The following UVRAG variants were observed in gnomAD, a reference collection of about 807,000 sequenced individuals.
UVRAG encodes the protein UV radiation resistance associated.
In UVRAG, 19 loss-of-function variants were observed where a neutral mutation model predicts 78.0. The ratio of observed to expected loss-of-function variants is 0.24; its 90% confidence interval spans 0.17 to 0.36. The LOEUF (loss-of-function observed/expected upper bound fraction) is 0.36, where lower values mean the gene tolerates loss of function less well. Among genes scored for constraint, UVRAG ranks in the 10% least tolerant of loss-of-function variants. The pLI, the probability that UVRAG is intolerant of heterozygous loss-of-function variation, is 1.00. For synonymous variants in UVRAG, 323 were observed against 324.6 expected (o/e 1.00, Z 0.05); for missense variants, 740 against 853.8 (o/e 0.87, Z 1.66).
At chr11:76,077,813 CT>C (rs1951430559) in intron 13 of UVRAG, among the ~76,000 whole-genome samples, 1 of 152,146 alleles carries the variant, frequency 6.6e-6, no homozygotes. Flanking sequence ...ACAGGCTTCC[CT>C]TTTTTTCTGT....
intron 14 of UVRAG, among the ~76,000 whole-genome samples, chr11:76,123,606 TA>T (rs1297912540): frequency 6.6e-6 from 1 of 152,230 alleles, no homozygotes; most frequent in Non-Finnish European, 1.5e-5. Context: ...ATTCTAAGTT[TA>T]ATTTTTCCTG....
intron 6 of UVRAG, among the ~76,000 whole-genome samples, chr11:75,959,705 G>A (rs1387338171): frequency 2.0e-5 from 3 of 152,140 alleles, no homozygotes; most frequent in Admixed American, 6.5e-5. Flanking sequence ...TCACAACTTG[G>A]CTGACTGTTT....
intron 6 of UVRAG, among the ~76,000 whole-genome samples, chr11:75,921,383 G>A (rs1251089178): frequency 6.6e-6 from 1 of 152,106 alleles, no homozygotes; most frequent in Non-Finnish European, 1.5e-5. Context: ...ATTCTTCTGT[G>A]AATTTGCCTA....
chr11:75,923,039 T>C (rs1248583920), intron 6 of UVRAG, among the ~76,000 whole-genome samples: 1 of 148,522 alleles, frequency 6.7e-6, no homozygotes, highest in Non-Finnish European at 1.5e-5. Flanking sequence ...TTTTTCTTTT[T>C]CTTTTTCTTT....
At chr11:75,974,351 C>CTTTTT (rs1188190094) in intron 7 of UVRAG, among the ~76,000 whole-genome samples, 7 of 83,708 alleles carry the variant, frequency 8.4e-5, no homozygotes, top group African/African-American at 2.0e-4. Flanking sequence ...TAAATGTCTT[C>CTTTTT]TTTTTTTTTT....
chr11:75,947,133 T>G (rs2135153696), intron 6 of UVRAG, among the ~76,000 whole-genome samples: 1 of 152,226 alleles, frequency 6.6e-6, no homozygotes, highest in South Asian at 2.1e-4. Flanking sequence ...AAGTCTTGTT[T>G]CCAAATATAG....
intron 14 of UVRAG, among the ~76,000 whole-genome samples, chr11:76,126,864 C>T (rs980871609): frequency 3.3e-5 from 5 of 152,182 alleles, no homozygotes; most frequent in Non-Finnish European, 7.3e-5. Flanking sequence ...TTGGACTGCA[C>T]ACAAATACCG....
In UVRAG at chr11:75,925,682, CAG is replaced by C. The variant is rs529386139; in HGVS notation, c.593+13644_593+13645del. 1.5e-3 allele frequency among the ~76,000 whole-genome samples: 224 copies of C among 152,270 alleles called. 1 individual carries two copies. Among genetic ancestry groups the C allele is most frequent in the African/African-American group, 4.3e-3 (177 of 41,554 alleles). On this transcript the variant is annotated intron_variant, in intron 6 of 14. Coordinates refer to ENST00000356136, the MANE Select transcript of UVRAG (RefSeq NM_003369.4). Reference sequence around the variant, plus strand: ...GTTCCTTTTCTACAAAGGGCCTACACAGGGGGTGGAGAAGGAAAATAAGATTT... The same window carrying C: ...GTTCCTTTTCTACAAAGGGCCTACACGGGGTGGAGAAGGAAAATAAGATTT...
At chr11:75,853,257 A>AG (rs1565346337) in intron 2 of UVRAG, among the ~76,000 whole-genome samples, 2 of 140,680 alleles carry the variant, frequency 1.4e-5, no homozygotes, top group African/African-American at 6.2e-5. Flanking sequence ...TTGTTTAACA[A>AG]CTTTTTTTAA....
At chr11:75,986,074 G>A (rs748295012) in intron 8 of UVRAG, among the ~76,000 whole-genome samples, 5 of 152,046 alleles carry the variant, frequency 3.3e-5, no homozygotes, top group Non-Finnish European at 5.9e-5. Context: ...TTTCTTAATT[G>A]TCATACCTCA....
intron 3 of UVRAG, among the ~76,000 whole-genome samples, chr11:75,870,993 C>T (rs1349514267): frequency 6.6e-6 from 1 of 151,908 alleles, no homozygotes. Flanking sequence ...TCTCAGCCTC[C>T]CAAGTAGCTC....
In UVRAG at chr11:75,879,920, C is replaced by G. The variant is rs1946899829; in HGVS notation, c.312C>G (p.Asp104Glu). 6.2e-7 allele frequency: 1 copy of G among 1,614,026 alleles called. No homozygotes were observed. The highest frequency in any genetic ancestry group is 8.5e-7 in the Non-Finnish European group (1 of 1,179,998). The change falls in exon 4 of 15, where the codon GAC becomes GAG. Residue 104 changes from aspartate to glutamate, a missense_variant. Transcript: ENST00000356136. ...WRSLDFGIMP[D>E]RLDTSVSCFV... is the part of the protein sequence containing the mutation. ...GTCTCGATTTTGGAATTATGCCAGA[C>G]CGTCTTGATACATCTGTGTCTTGTT...
intron 12 of UVRAG, among the ~76,000 whole-genome samples, chr11:76,028,554 T>C (rs1478002515): frequency 6.6e-6 from 1 of 152,110 alleles, no homozygotes; most frequent in African/African-American, 2.4e-5. Context: ...GCTACTCCAG[T>C]GAACATACAA....
chr11:76,126,960 C>T (rs533006768), intron 14 of UVRAG, among the ~76,000 whole-genome samples: 1 of 152,272 alleles, frequency 6.6e-6, no homozygotes, highest in African/African-American at 2.4e-5. Flanking sequence ...GGTTAGCTTC[C>T]ACTTATCCTT....
chr11:75,956,318 A>G (rs746669703), intron 6 of UVRAG, among the ~76,000 whole-genome samples: 12 of 152,042 alleles, frequency 7.9e-5, no homozygotes, highest in Non-Finnish European at 1.8e-4. Context: ...GTTTAACTTA[A>G]TAACTAATAA....
intron 12 of UVRAG, among the ~76,000 whole-genome samples, chr11:76,029,643 T>A (rs916131395): frequency 6.6e-6 from 1 of 152,170 alleles, no homozygotes; most frequent in Non-Finnish European, 1.5e-5. Flanking sequence ...ATCTTATGGA[T>A]GAGCAAAGAA....
chr11:75,865,996 C>T (rs542034367), intron 3 of UVRAG, among the ~76,000 whole-genome samples: 7 of 152,108 alleles, frequency 4.6e-5, no homozygotes, highest in African/African-American at 1.4e-4. Context: ...GTGGCTCATG[C>T]CTATAATCTT....
rs57684028 is a variant in UVRAG, at chr11:76,016,997, TA to T, written c.1226+24del. On this transcript the variant is annotated intron_variant, in intron 12 of 14. Transcript: ENST00000356136. ...GGAGAGAGAGTAAGTGTCTTTTTTT[TA>T]AAAAAATGATTTTAACATCAAGCCA... The T allele has an allele frequency of 1.5e-4, 240 of 1,557,642 alleles. No homozygotes were observed. The African/African-American group carries it at 3.0e-3, about 19-fold the overall frequency.
chr11:75,846,652 CTGT>C (rs1051566460), intron 1 of UVRAG, among the ~76,000 whole-genome samples: 6 of 151,152 alleles, frequency 4.0e-5, no homozygotes, highest in African/African-American at 1.5e-4. Context: ...AAAGACTTGG[CTGT>C]TGTCTTTGAA....
Sources: allele counts gnomAD v4.1 joint callset (sites outside exome capture counted in the v4.1 genomes callset), GRCh38; gene constraint gnomAD v4.1.1; transcripts MANE v1.5; gene names NCBI Gene and HGNC (gene_info 2026-07-23, HGNC 2026-07-21).